The following SHROOM4 variants were observed in gnomAD, a reference collection of about 807,000 sequenced individuals.
SHROOM4 encodes the protein protein Shroom4.
In SHROOM4, 17 loss-of-function variants were observed where a neutral mutation model predicts 80.3. The ratio of observed to expected loss-of-function variants is 0.21; its 90% CI spans 0.14 to 0.32. The LOEUF is 0.32. SHROOM4 is among the 10% of genes least tolerant of loss of function. SHROOM4 has a pLI of 1.00. For missense variants in SHROOM4, 993 were observed against 1,140.3 expected, an observed-to-expected ratio of 0.87 and a Z score of 1.86; for synonymous variants, 400 against 437.5, an observed-to-expected ratio of 0.91 and a Z score of 1.07.
rs1324434900 is a variant in SHROOM4 at position 50,591,009 on chromosome X, CTT to C, written c.*5684_*5685del. Reference sequence around the variant, plus strand: ...GCAAATCGTCTTAACATTAGGAAGACTTATTACAATGTTTTCTTCTAAGAATT... The same window carrying C: ...GCAAATCGTCTTAACATTAGGAAGACATTACAATGTTTTCTTCTAAGAATT... On this transcript the variant is annotated 3_prime_UTR_variant, in exon 9 of 9. Coordinates refer to ENST00000376020, the MANE Select transcript of SHROOM4 (RefSeq NM_020717.5). Among the ~76,000 whole-genome samples, 1 of 112,181 alleles carries C rather than the reference CTT, an allele frequency of 8.9e-6. No homozygotes were observed. Among genetic ancestry groups the C allele is most frequent in the African/African-American group, 3.2e-5 (1 of 30,908 alleles).
At chrX:50,709,283 C>T (rs781797461) in intron 1 of SHROOM4, among the ~76,000 whole-genome samples, 4 of 112,177 alleles carry the variant, frequency 3.6e-5, no homozygotes, top group Middle Eastern at 4.7e-3. Flanking sequence ...AGAAAGCAAG[C>T]GAAGACTTGC....
chrX:50,756,312 A>G (rs1390512131), intron 1 of SHROOM4, among the ~76,000 whole-genome samples: 1 of 112,340 alleles, frequency 8.9e-6, no homozygotes, highest in African/African-American at 3.2e-5. Context: ...ATAGTAGCAT[A>G]TAATACTGCT....
chrX:50,584,211 T>C (rs1418507114), downstream of SHROOM4, among the ~76,000 whole-genome samples: 2 of 112,328 alleles, frequency 1.8e-5, no homozygotes, highest in African/African-American at 6.5e-5. Flanking sequence ...GAAAAGAAAA[T>C]GTTTGTTGTT....
Position 50,592,095 on chromosome X carries a change from A to G in SHROOM4, c.*4600T>C, listed in dbSNP as rs964436549. On this transcript the variant is annotated 3_prime_UTR_variant, in exon 9 of 9. Transcript: ENST00000376020. ...ACCTTGTATCCTGCAACTTTCCTAA[A>G]TTCATCCAGGCAGGTAGTTGTGAGC... 8 of 328,235 alleles carry G rather than the reference A, an allele frequency of 2.4e-5. No individual in the cohort carries two copies. The highest frequency in any genetic ancestry group is 4.7e-5 in the Non-Finnish European group (8 of 169,921). The allele number at this position is 328,235 out of a possible 1,213,427, so 27.1% of individuals were successfully genotyped here.
chrX:50,704,844 ACCCTGCCCAGGCC>A (rs1557263831), intron 1 of SHROOM4, among the ~76,000 whole-genome samples: 1 of 110,642 alleles, frequency 9.0e-6, no homozygotes, highest in African/African-American at 3.3e-5. Flanking sequence ...ACATTATTTG[ACCCTGCCCAGGCC>A]CCCTTTCCTT....
intron 1 of SHROOM4, among the ~76,000 whole-genome samples, chrX:50,721,864 C>A (rs782052576): frequency 1.8e-5 from 2 of 111,452 alleles, no homozygotes; most frequent in Non-Finnish European, 3.8e-5. Context: ...AGTAACAAGT[C>A]TTGCTTTGTC....
At chrX:50,736,606 G>A (rs1934498642) in intron 1 of SHROOM4, among the ~76,000 whole-genome samples, 1 of 112,117 alleles carries the variant, frequency 8.9e-6, no homozygotes, top group Admixed American at 9.5e-5. Context: ...TTTTATGGCT[G>A]CACAGTATTC....
intron 1 of SHROOM4, among the ~76,000 whole-genome samples, chrX:50,810,590 T>C (rs782229709): frequency 8.9e-6 from 1 of 111,847 alleles, no homozygotes; most frequent in Non-Finnish European, 1.9e-5. Context: ...TTTCCTACTC[T>C]GAGCCCAGAC....
intron 2 of SHROOM4, among the ~76,000 whole-genome samples, chrX:50,655,425 T>C (rs1483855398): frequency 1.8e-5 from 2 of 109,145 alleles, no homozygotes; most frequent in Non-Finnish European, 3.8e-5. Flanking sequence ...GTATCATCCA[T>C]GTTGTACAAA....
chrX:50,634,317 C>T lies in SHROOM4; in HGVS notation c.1756G>A (p.Glu586Lys). ...GRSIQNRRKS[E>K]RFATNLRNEI... ...TTACGCAGATTGGTAGCAAAACGCT[C>T]ACTCTTCCGCCGGTTTTGGATCGAG... The change falls in exon 4 of 9, where the codon GAG (glutamate) becomes AAG (lysine). Residue 586 changes from glutamate (E) to lysine (K), a missense_variant. Physicochemically the swap from Glu to Lys is moderately conservative, Grantham distance 56. Transcript: ENST00000376020. 1 of 1,211,214 alleles carries T rather than the reference C, an allele frequency of 8.3e-7. No individual in the cohort carries two copies. The highest frequency in any genetic ancestry group is 1.1e-6 in the Non-Finnish European group (1 of 895,456).
intron 2 of SHROOM4, among the ~76,000 whole-genome samples, chrX:50,651,897 G>A (rs781890393): frequency 3.6e-5 from 4 of 111,235 alleles, no homozygotes; most frequent in African/African-American, 9.8e-5. Context: ...CCATGTCCCT[G>A]CAAAGGACAT....
At chrX:50,646,958 C>T (rs1557258000) in intron 2 of SHROOM4, among the ~76,000 whole-genome samples, 1 of 111,480 alleles carries the variant, frequency 9.0e-6, no homozygotes, top group Non-Finnish European at 1.9e-5. Context: ...TTACATTTGA[C>T]CCTCTGCTTC....
intron 1 of SHROOM4, among the ~76,000 whole-genome samples, chrX:50,720,518 T>C (rs1934080623): frequency 8.9e-6 from 1 of 112,536 alleles, no homozygotes. Flanking sequence ...GCTTGGCACT[T>C]ACCAATATAA....
intron 1 of SHROOM4, among the ~76,000 whole-genome samples, chrX:50,741,640 G>A (rs960018381): frequency 1.3e-4 from 14 of 110,763 alleles, no homozygotes; most frequent in Non-Finnish European, 1.3e-4. Flanking sequence ...CTGTGGTTTC[G>A]ACTTGCATTT....
intron 6 of SHROOM4, among the ~76,000 whole-genome samples, chrX:50,604,847 A>G (rs1929596373): frequency 8.9e-6 from 1 of 112,024 alleles, no homozygotes; most frequent in Admixed American, 9.5e-5. Flanking sequence ...GAGGAAATGC[A>G]TAGAGTCCAT....
At chrX:50,704,076 A>C (rs1414514173) in intron 1 of SHROOM4, among the ~76,000 whole-genome samples, 1 of 111,778 alleles carries the variant, frequency 8.9e-6, no homozygotes, top group Admixed American at 9.5e-5. Flanking sequence ...ATAGCATTAA[A>C]ATAGTCTAGG....
At chrX:50,668,035 C>T (rs1557260487) in intron 2 of SHROOM4, among the ~76,000 whole-genome samples, 1 of 111,877 alleles carries the variant, frequency 8.9e-6, no homozygotes, top group African/African-American at 3.2e-5. Flanking sequence ...AGTGGGGAGC[C>T]TAGACTTCCA....
At chrX:50,623,668 T>C (rs1930677463) in intron 5 of SHROOM4, among the ~76,000 whole-genome samples, 1 of 111,641 alleles carries the variant, frequency 9.0e-6, no homozygotes, top group African/African-American at 3.3e-5. Context: ...AATTTCACTC[T>C]TAAATATGTA....
intron 2 of SHROOM4, among the ~76,000 whole-genome samples, chrX:50,691,348 AT>A (rs1193360166): frequency 1.8e-5 from 2 of 110,502 alleles, no homozygotes; most frequent in African/African-American, 3.3e-5. Context: ...ATTGTTCCTG[AT>A]TTTTTTTTCC....
Sources: allele counts gnomAD v4.1 joint callset (sites outside exome capture counted in the v4.1 genomes callset), GRCh38; gene constraint gnomAD v4.1.1; transcripts MANE v1.5; gene names NCBI Gene and HGNC (gene_info 2026-07-23, HGNC 2026-07-21).